The following SLC7A2 variants were observed in gnomAD, a reference collection of about 807,000 sequenced individuals.
SLC7A2 encodes cationic amino acid transporter 2.
Under a neutral mutation model 58.9 loss-of-function variants are expected in SLC7A2, and 48 were observed. That is an observed-to-expected ratio of 0.82 (90% CI 0.65 to 1.04). The LOEUF (loss-of-function observed/expected upper bound fraction) is 1.04, where lower values mean the gene tolerates loss of function less well. Ranked by LOEUF, SLC7A2 falls within the 50% of genes least tolerant of loss-of-function variation. The pLI is 0.00. For missense variants in SLC7A2, 1,029 were observed against 818.8 expected (o/e 1.26, Z -3.13); for synonymous variants, 363 against 314.5 (o/e 1.15, Z -1.63).
chr8:17,550,520 A>G, intron 6 of SLC7A2, 86 bp downstream of exon 6: 1 of 1,307,994 alleles, frequency 7.6e-7, no homozygotes, highest in Non-Finnish European at 1.0e-6. Flanking sequence ...GGTCCAGGAA[A>G]GAGAGAGGGA....
chr8:17,555,602 G>A (rs763415629), intron 8 of SLC7A2, among the ~76,000 whole-genome samples: 2 of 151,714 alleles, frequency 1.3e-5, no homozygotes, highest in Non-Finnish European at 2.9e-5. Flanking sequence ...CCTTGTGATC[G>A]CCATCCTCAG....
chr8:17,540,598 G>A (rs1480689539), intron 2 of SLC7A2, among the ~76,000 whole-genome samples: 1 of 152,044 alleles, frequency 6.6e-6, no homozygotes, highest in Non-Finnish European at 1.5e-5. Flanking sequence ...TGCTTCCTGT[G>A]TAATCTGGAG....
chr8:17,554,723 C>T, intron 8 of SLC7A2, 24 bp downstream of exon 8: 2 of 1,592,752 alleles, frequency 1.3e-6, no homozygotes, highest in South Asian at 1.2e-5. Flanking sequence ...GACTTTTCTT[C>T]AGAAACGGGG....
At chr8:17,557,477 T>A (rs1802761107) in intron 8 of SLC7A2, among the ~76,000 whole-genome samples, 1 of 152,184 alleles carries the variant, frequency 6.6e-6, no homozygotes, top group South Asian at 2.1e-4. Context: ...ATTTAGTCTG[T>A]TTCATAAACA....
chr8:17,548,958 A>G, intron 5 of SLC7A2, 115 bp downstream of exon 5: 2 of 871,848 alleles, frequency 2.3e-6, no homozygotes, highest in Admixed American at 2.6e-5. Context: ...TGGGTAATTT[A>G]TAAGGAAAAA....
chr8:17,529,953 C>G (rs867004742), intron 2 of SLC7A2, among the ~76,000 whole-genome samples: 2 of 152,094 alleles, frequency 1.3e-5, no homozygotes, highest in African/African-American at 2.4e-5. Flanking sequence ...AAAGCAGTAG[C>G]AAAAACTACG....
chr8:17,530,663 C>T lies in SLC7A2; in HGVS notation c.-22-12655C>T, dbSNP rs924758347. 4.0e-5 allele frequency among the ~76,000 whole-genome samples: 6 copies of T among 151,892 alleles called. No individual in the cohort carries two copies. In the South Asian group the frequency reaches 1.0e-3, roughly 26 times the overall value. On this transcript the variant is annotated intron_variant, in intron 2 of 12. Transcript: ENST00000494857. ...TCTCGACTCACTGCAACTTCTGCCT[C>T]CTAGGTTCAAGCGTTTCTCCTGCCT...
chr8:17,541,861 C>G (rs1801926535), intron 2 of SLC7A2, among the ~76,000 whole-genome samples: 1 of 152,052 alleles, frequency 6.6e-6, no homozygotes, highest in African/African-American at 2.4e-5. Context: ...GTAATATATG[C>G]CTATGTATTT....
At chr8:17,548,593 TA>T in intron 4 of SLC7A2, 84 bp from the exon 5 acceptor site, 1 of 930,256 alleles carries the variant, frequency 1.1e-6, no homozygotes, top group Non-Finnish European at 1.7e-6. Context: ...GCTGGTGAAA[TA>T]ATATCCTAAA....
chr8:17,558,482 C>G (rs1200499659), intron 9 of SLC7A2, 85 bp downstream of exon 9: 3 of 789,750 alleles, frequency 3.8e-6, no homozygotes, highest in Non-Finnish European at 6.3e-6. Context: ...TCCTGGCTTC[C>G]AGGGAGCCAG....
intron 2 of SLC7A2, among the ~76,000 whole-genome samples, chr8:17,516,329 G>T (rs188462113): frequency 6.6e-6 from 1 of 152,150 alleles, no homozygotes; most frequent in East Asian, 1.9e-4. Context: ...AGTCTCAAGC[G>T]ATTATCCTGC....
intron 2 of SLC7A2, chr8:17,511,263 AT>A (rs1354438703): frequency 2.0e-5 from 3 of 152,198 alleles, no homozygotes; most frequent in African/African-American, 7.2e-5. Context: ...TTAAAGTAAA[AT>A]TAAAAAAAAA....
At chr8:17,495,683 G>A (rs1488890508), upstream of SLC7A2, among the ~76,000 whole-genome samples, 3 of 152,116 alleles carry the variant, frequency 2.0e-5, no homozygotes, top group Non-Finnish European at 4.4e-5. Context: ...CCGAGTAGCT[G>A]GGGTTACAGG....
rs1202097138 is a variant in SLC7A2, at chr8:17,544,436, T to C, written c.377-15T>C. 1 of 1,611,546 alleles carries C rather than the reference T, an allele frequency of 6.2e-7. No homozygotes were observed. Among genetic ancestry groups the C allele is most frequent in the South Asian group, 1.1e-5 (1 of 90,512 alleles). On this transcript the variant is annotated splice_polypyrimidine_tract_variant and intron_variant, in intron 3 of 12. Transcript: ENST00000494857. ...GCCCCCAGTGACTTCGTATTCTCTGTTCTGTTTTGGGAAGGTACATCAAGT... is the reference window on the plus strand; with the variant it reads ...GCCCCCAGTGACTTCGTATTCTCTGCTCTGTTTTGGGAAGGTACATCAAGT...
chr8:17,516,837 T>C (rs542246400), intron 2 of SLC7A2, among the ~76,000 whole-genome samples: 2 of 152,290 alleles, frequency 1.3e-5, no homozygotes, highest in East Asian at 1.9e-4. Flanking sequence ...ATTCAGGAAA[T>C]ATTTGAGTAT....
At chr8:17,543,884 T>C (rs1189516532) in intron 3 of SLC7A2, among the ~76,000 whole-genome samples, 169 bp downstream of exon 3, 2 of 152,186 alleles carry the variant, frequency 1.3e-5, no homozygotes, top group East Asian at 1.9e-4. Flanking sequence ...TGTGGGTTTT[T>C]TTTAAGACAG....
At chr8:17,503,984 T>C (rs773129416) in intron 2 of SLC7A2, among the ~76,000 whole-genome samples, 3 of 152,146 alleles carry the variant, frequency 2.0e-5, no homozygotes, top group Non-Finnish European at 4.4e-5. Flanking sequence ...TTTGGCCACA[T>C]GAGGAATTTA....
intron 8 of SLC7A2, chr8:17,554,955 C>A (rs753293712): frequency 6.2e-7 from 1 of 1,613,858 alleles, no homozygotes; most frequent in Non-Finnish European, 8.5e-7. Flanking sequence ...GTCTTCTGGG[C>A]TCTATGTTTC....
chr8:17,552,210 G>A lies in SLC7A2; in HGVS notation c.1055+224G>A, dbSNP rs1264472736. On this transcript the variant is annotated intron_variant, in intron 7 of 12. Coordinates refer to ENST00000494857, the MANE Select transcript of SLC7A2 (RefSeq NM_001370338.1). ...GTTTTTTAAGATAGTGATGGTCCAG[G>A]CTTCAGTAGAAATACATATGGCATT... Among the ~76,000 whole-genome samples the A allele has an allele frequency of 3.3e-5, 5 of 152,052 alleles. No individual in the cohort carries two copies. The South Asian group carries it at 1.0e-3, about 32-fold the overall frequency.
Sources: gnomAD v4.1 joint callset for allele counts (sites outside exome capture counted in the v4.1 genomes callset) on GRCh38, gnomAD v4.1.1 for gene constraint, MANE v1.5 for transcripts, NCBI Gene and HGNC (gene_info 2026-07-23, HGNC 2026-07-21) for gene names.